The following GSTA5 variants were observed in gnomAD, a reference collection of about 807,000 sequenced individuals.
The protein encoded by GSTA5 is glutathione S-transferase alpha 5.
Under a neutral mutation model 21.8 loss-of-function variants are expected in GSTA5, and 25 were observed. That is an observed-to-expected ratio of 1.14 (90% CI 0.83 to 1.60). GSTA5 has a LOEUF of 1.60. Ranked by LOEUF, GSTA5 falls within the 40% of genes most tolerant of loss-of-function variation. GSTA5 has a pLI of 0.00. For synonymous variants in GSTA5, 102 were observed against 89.5 expected (o/e 1.14, Z -0.78); for missense variants, 330 against 259.2 (o/e 1.27, Z -1.88).
At chr6:52,836,599 C>A (rs1561926658) in intron 2 of GSTA5, among the ~76,000 whole-genome samples, 1 of 152,214 alleles carries the variant, frequency 6.6e-6, no homozygotes, top group Non-Finnish European at 1.5e-5. Context: ...GTAACCTCTG[C>A]CTCCTGGGTT....
chr6:52,837,369 G>T (rs1217334489), intron 2 of GSTA5, among the ~76,000 whole-genome samples, 189 bp downstream of exon 2: 1 of 152,118 alleles, frequency 6.6e-6, no homozygotes, highest in East Asian at 1.9e-4. Context: ...GAGAGGTCTG[G>T]TCCTTTTAGC....
intron 1 of GSTA5, among the ~76,000 whole-genome samples, chr6:52,839,694 C>A (rs533824836): frequency 1.3e-5 from 2 of 152,294 alleles, no homozygotes; most frequent in South Asian, 4.1e-4. Context: ...CCCAGGAAAA[C>A]CCTCAGGCAG....
chr6:52,840,921 T>G (rs1764365993), upstream of GSTA5: 12 of 962,766 alleles, frequency 1.2e-5, no homozygotes, highest in Non-Finnish European at 1.9e-5. Flanking sequence ...CCACAAACAA[T>G]GCTGAAGAAG....
At chr6:52,843,925 A>G (rs372803761), upstream of GSTA5, among the ~76,000 whole-genome samples, 10 of 152,208 alleles carry the variant, frequency 6.6e-5, no homozygotes, top group East Asian at 1.9e-3. Flanking sequence ...TCGCCTCTCA[A>G]TATGAGGTTT....
At chr6:52,836,122 T>C (rs2397117) in intron 3 of GSTA5, 114 bp downstream of exon 3, 1,231,663 of 1,236,284 alleles carry the variant, frequency 1, 613,621 homozygotes, top group East Asian at 1. Flanking sequence ...GCGTGCATCC[T>C]CAAGACCCAG....
exon 6 of GSTA5, chr6:52,831,698 G>T: frequency 2.2e-6 from 2 of 923,440 alleles, no homozygotes; most frequent in African/African-American, 1.7e-5. Flanking sequence ...TAAGTTGACA[G>T]ATAAGAGTTA....
At chr6:52,832,148 C>T (rs1764226174) in intron 5 of GSTA5, among the ~76,000 whole-genome samples, 178 bp from the exon 6 acceptor site, 1 of 152,212 alleles carries the variant, frequency 6.6e-6, no homozygotes, top group Non-Finnish European at 1.5e-5. Flanking sequence ...TAACATGTAG[C>T]TCACTTTATT....
rs569606177 is a variant in GSTA5 at position 52,832,056 on chromosome 6, C to T, written c.547-86G>A. On this transcript the variant is annotated intron_variant, in intron 5 of 5. Transcript: ENST00000370989. Reference sequence around the variant, plus strand: ...ACCCAGGGAATGTGAGCCCCTCATGCCAAAGACCAAGCGAGTCCCCTCCAT... The same window carrying T: ...ACCCAGGGAATGTGAGCCCCTCATGTCAAAGACCAAGCGAGTCCCCTCCAT... 76 of 1,534,042 alleles carry T rather than the reference C, an allele frequency of 5.0e-5. No homozygotes were observed. The Middle Eastern group carries it at 6.7e-4, about 14-fold the overall frequency.
In GSTA5 at chr6:52,837,554, T is replaced by C; in HGVS notation, c.139+4A>G. On this transcript the variant is annotated splice_donor_region_variant and intron_variant, in intron 2 of 5. Transcript: ENST00000370989. The stretch of plus-strand genomic sequence containing the variant: ...CATCAGAGTTACTTAGAGATTGATC[T>C]TACCATTTCTTAACTTGTCCAAATC... The C allele has an allele frequency of 6.3e-7, 1 of 1,591,916 alleles. No individual in the cohort carries two copies. The highest frequency in any genetic ancestry group is 8.6e-7 in the Non-Finnish European group (1 of 1,160,288).
At chr6:52,836,297 T>C (rs1487791848) in exon 3 of GSTA5, 13 of 1,613,794 alleles carry the variant, frequency 8.1e-6, no homozygotes, top group Non-Finnish European at 1.1e-5. Context: ...TAGTTAAGAA[T>C]GGCTCTGGTC....
At chr6:52,836,027 T>C (rs927634048) in intron 3 of GSTA5, among the ~76,000 whole-genome samples, 1 of 152,154 alleles carries the variant, frequency 6.6e-6, no homozygotes, top group Non-Finnish European at 1.5e-5. Flanking sequence ...ATGGACTGCA[T>C]CCTCTTTTAG....
upstream of GSTA5, among the ~76,000 whole-genome samples, chr6:52,843,259 A>G (rs1258353362): frequency 1.3e-5 from 2 of 152,218 alleles, no homozygotes; most frequent in Non-Finnish European, 2.9e-5. Context: ...TCCTTTGGGT[A>G]TATACCCAGT....
At chr6:52,840,231 C>G (rs1427236533) in intron 1 of GSTA5, among the ~76,000 whole-genome samples, 1 of 152,042 alleles carries the variant, frequency 6.6e-6, no homozygotes, top group Non-Finnish European at 1.5e-5. Context: ...AATTATCAAC[C>G]AAAACCAATG....
At chr6:52,845,664 T>C (rs991135008), upstream of GSTA5, among the ~76,000 whole-genome samples, 5 of 151,966 alleles carry the variant, frequency 3.3e-5, no homozygotes, top group Admixed American at 6.6e-5. Flanking sequence ...ACAGCCAATA[T>C]AGTATTACAG....
upstream of GSTA5, among the ~76,000 whole-genome samples, chr6:52,844,723 G>T (rs1410095912): frequency 6.6e-6 from 1 of 152,136 alleles, no homozygotes; most frequent in East Asian, 1.9e-4. Context: ...GAGGGTTGTT[G>T]AGAAAGTTAA....
chr6:52,841,720 C>T (rs1289934280), upstream of GSTA5, among the ~76,000 whole-genome samples: 1 of 152,178 alleles, frequency 6.6e-6, no homozygotes, highest in African/African-American at 2.4e-5. Context: ...TCATTTTGTC[C>T]TACAAAAATC....
exon 4 of GSTA5, chr6:52,834,261 A>G (rs1457174251): frequency 6.2e-7 from 1 of 1,613,924 alleles, no homozygotes; most frequent in Non-Finnish European, 8.5e-7. Flanking sequence ...AATCTACTAT[A>G]CCTTCTGTGT....
intron 1 of GSTA5, among the ~76,000 whole-genome samples, chr6:52,839,117 C>T (rs1460588394): frequency 6.6e-6 from 1 of 152,110 alleles, no homozygotes; most frequent in Non-Finnish European, 1.5e-5. Flanking sequence ...TCAGGACAAA[C>T]CTAAGGAACG....
At chr6:52,837,324 C>T (rs1426055849) in intron 2 of GSTA5, among the ~76,000 whole-genome samples, 3 of 152,250 alleles carry the variant, frequency 2.0e-5, no homozygotes, top group East Asian at 1.9e-4. Context: ...GGGCTTTCCC[C>T]GGGGGCGGGA....
Sources: allele counts gnomAD v4.1 joint callset (sites outside exome capture counted in the v4.1 genomes callset), GRCh38; gene constraint gnomAD v4.1.1; transcripts MANE v1.5; gene names NCBI Gene and HGNC (gene_info 2026-07-23, HGNC 2026-07-21).